The following UGT1A8 variants were observed in gnomAD, a reference collection of about 807,000 sequenced individuals.
The protein encoded by UGT1A8 is UDP-glucuronosyltransferase 1A8.
Under a neutral mutation model 45.3 loss-of-function variants are expected in UGT1A8, and 39 were observed. The ratio of observed to expected loss-of-function variants is 0.86; its 90% CI spans 0.67 to 1.12. The LOEUF is 1.12. UGT1A8 is among the 50% of genes most tolerant of loss of function. UGT1A8 has a pLI of 0.00. For missense variants in UGT1A8, 719 were observed against 664.9 expected, an observed-to-expected ratio of 1.08 and a Z score of -0.90; for synonymous variants, 275 against 249.2, an observed-to-expected ratio of 1.10 and a Z score of -0.97.
chr2:233,699,996 C>G (rs1237740958), intron 1 of UGT1A8, among the ~76,000 whole-genome samples: 1 of 152,194 alleles, frequency 6.6e-6, no homozygotes, highest in African/African-American at 2.4e-5. Flanking sequence ...ATTACTCTGG[C>G]TCAAAATGTC....
intron 1 of UGT1A8, chr2:233,637,428 A>C: frequency 6.5e-7 from 1 of 1,548,340 alleles, no homozygotes; most frequent in South Asian, 1.3e-5. Flanking sequence ...TTTGGAAATT[A>C]AAAAAGGATT....
At chr2:233,671,640 A>T (rs1008430775) in intron 1 of UGT1A8, among the ~76,000 whole-genome samples, 1 of 152,234 alleles carries the variant, frequency 6.6e-6, no homozygotes, top group African/African-American at 2.4e-5. Flanking sequence ...GTCCAAAAGC[A>T]TTGGTTAATA....
chr2:233,739,008 T>C (rs1430369611), intron 1 of UGT1A8: 2 of 152,268 alleles, frequency 1.3e-5, no homozygotes, highest in Admixed American at 6.5e-5. Context: ...TGTGTCCCAG[T>C]GGCTCCAGCC....
At chr2:233,639,794 A>G (rs1375528204) in intron 1 of UGT1A8, among the ~76,000 whole-genome samples, 1 of 152,224 alleles carries the variant, frequency 6.6e-6, no homozygotes, top group Non-Finnish European at 1.5e-5. Flanking sequence ...GGAGGGGACA[A>G]ACTTTTAAAC....
intron 1 of UGT1A8, among the ~76,000 whole-genome samples, chr2:233,666,183 T>A (rs990201783): frequency 1.7e-4 from 26 of 152,278 alleles, no homozygotes; most frequent in Admixed American, 3.9e-4. Context: ...GGCTTTTTTT[T>A]AATAATCAGT....
chr2:233,705,467 A>G (rs1370411628), intron 1 of UGT1A8, among the ~76,000 whole-genome samples: 1 of 152,208 alleles, frequency 6.6e-6, no homozygotes, highest in African/African-American at 2.4e-5. Flanking sequence ...TAGCAGACAC[A>G]CATGAGGCAA....
chr2:233,671,971 T>C (rs199516931), intron 1 of UGT1A8: 1 of 1,613,990 alleles, frequency 6.2e-7, no homozygotes, highest in Non-Finnish European at 8.5e-7. Context: ...CCTTCCTCTA[T>C]GTGTGTGTCT....
intron 3 of UGT1A8, 76 bp from the exon 4 acceptor site, chr2:233,768,144 T>C: frequency 6.2e-7 from 1 of 1,610,934 alleles, no homozygotes; most frequent in Non-Finnish European, 8.5e-7. Context: ...CTTTGGAGTG[T>C]TTTCAGAACC....
At chr2:233,690,271 T>C (rs1031936949) in intron 1 of UGT1A8, among the ~76,000 whole-genome samples, 3 of 152,182 alleles carry the variant, frequency 2.0e-5, no homozygotes, top group Non-Finnish European at 2.9e-5. Context: ...ATTTTGCAGG[T>C]CCTTTGAAAT....
chr2:233,768,117 TGTGA>T, intron 3 of UGT1A8, 99 bp from the exon 4 acceptor site: 1 of 1,600,038 alleles, frequency 6.2e-7, no homozygotes, highest in Non-Finnish European at 8.5e-7. Flanking sequence ...TGCAAGGGCA[TGTGA>T]GTAACACTGA....
At chr2:233,634,991 G>T (rs2073253980) in intron 1 of UGT1A8, among the ~76,000 whole-genome samples, 1 of 150,752 alleles carries the variant, frequency 6.6e-6, no homozygotes, top group South Asian at 2.1e-4. Context: ...TTGTAAGGCA[G>T]GCCTGGTGGT....
At chr2:233,758,319 G>T (rs1559404648) in intron 1 of UGT1A8, among the ~76,000 whole-genome samples, 1 of 152,200 alleles carries the variant, frequency 6.6e-6, no homozygotes, top group South Asian at 2.1e-4. Flanking sequence ...AGCAGAAGCA[G>T]CCTCAAAAAG....
intron 1 of UGT1A8, among the ~76,000 whole-genome samples, chr2:233,688,791 G>A (rs1031609819): frequency 2.6e-5 from 4 of 152,060 alleles, no homozygotes; most frequent in Admixed American, 2.6e-4. Context: ...GGAGAGGAAG[G>A]CATTGATTAG....
At chr2:233,765,924 G>C (rs1285485148) in intron 1 of UGT1A8, among the ~76,000 whole-genome samples, 1 of 152,060 alleles carries the variant, frequency 6.6e-6, no homozygotes, top group East Asian at 1.9e-4. Context: ...GCATACAGAC[G>C]GGCAGGTTGT....
At chr2:233,694,570 C>A (rs1391330789) in intron 1 of UGT1A8, among the ~76,000 whole-genome samples, 1 of 152,164 alleles carries the variant, frequency 6.6e-6, no homozygotes, top group African/African-American at 2.4e-5. Context: ...TTTTAAATTT[C>A]AATGTAAATA....
chr2:233,731,290 T>TC (rs2078133988), intron 1 of UGT1A8, among the ~76,000 whole-genome samples: 1 of 151,998 alleles, frequency 6.6e-6, no homozygotes, highest in Non-Finnish European at 1.5e-5. Context: ...CTTTCTTTTT[T>TC]TTTTTTTTAT....
chr2:233,749,622 C>A (rs1694233341), intron 1 of UGT1A8, among the ~76,000 whole-genome samples: 1 of 151,854 alleles, frequency 6.6e-6, no homozygotes, highest in Admixed American at 6.5e-5. Context: ...TGATTTGGCT[C>A]TGTATCCCCC....
At chr2:233,700,676 GTGATAATATATAAACTACAC>G (rs1157026955) in intron 1 of UGT1A8, among the ~76,000 whole-genome samples, 23 of 151,838 alleles carry the variant, frequency 1.5e-4, no homozygotes, top group Middle Eastern at 3.4e-3. Flanking sequence ...GCACAAATTC[GTGATAATATATAAACTACAC>G]TTTGAATGTT....
intron 1 of UGT1A8, among the ~76,000 whole-genome samples, chr2:233,748,278 A>T (rs1303548000): frequency 2.6e-5 from 4 of 151,752 alleles, no homozygotes; most frequent in Non-Finnish European, 5.9e-5. Flanking sequence ...TGAGAGGAAG[A>T]AGAGGCAGAC....
Sources: allele counts gnomAD v4.1 joint callset (sites outside exome capture counted in the v4.1 genomes callset), GRCh38; gene constraint gnomAD v4.1.1; transcripts MANE v1.5; gene names NCBI Gene and HGNC (gene_info 2026-07-23, HGNC 2026-07-21).